CCDC178: variants seen among roughly 807,000 people sequenced by gnomAD.
CCDC178 encodes the protein coiled-coil domain-containing protein 178.
Under a neutral mutation model 117.4 loss-of-function variants are expected in CCDC178, and 126 were observed. The ratio of observed to expected loss-of-function variants is 1.07; its 90% CI spans 0.93 to 1.24. CCDC178 has a LOEUF of 1.24. Among genes scored for constraint, CCDC178 ranks in the 50% most tolerant of loss-of-function variants. CCDC178 has a pLI of 0.00. For synonymous variants in CCDC178, 283 were observed against 313.4 expected (o/e 0.90, Z 1.02); for missense variants, 1,030 against 986.9 (o/e 1.04, Z -0.59).
At chr18:33,135,656 A>G (rs535232454) in intron 20 of CCDC178, among the ~76,000 whole-genome samples, 5 of 152,136 alleles carry the variant, frequency 3.3e-5, no homozygotes, top group Non-Finnish European at 7.4e-5. Context: ...GCATGTAGCT[A>G]TCTTTGATTG....
chr18:33,101,107 A>T (rs1167685983), intron 20 of CCDC178, among the ~76,000 whole-genome samples: 1 of 151,804 alleles, frequency 6.6e-6, no homozygotes, highest in Non-Finnish European at 1.5e-5. Context: ...GTATTAAATA[A>T]ACTTAAAATT....
At chr18:33,055,742 C>A (rs2056819209) in intron 21 of CCDC178, among the ~76,000 whole-genome samples, 1 of 152,028 alleles carries the variant, frequency 6.6e-6, no homozygotes, top group Non-Finnish European at 1.5e-5. Flanking sequence ...ATCTTCAATT[C>A]TTTCTACCAC....
chr18:33,276,833 G>A (rs1267490735), intron 12 of CCDC178, among the ~76,000 whole-genome samples: 2 of 152,002 alleles, frequency 1.3e-5, no homozygotes, highest in Non-Finnish European at 2.9e-5. Flanking sequence ...TTAATATACT[G>A]TATTATAGAT....
intron 21 of CCDC178, among the ~76,000 whole-genome samples, chr18:33,048,210 C>A (rs1216749394): frequency 1.3e-5 from 2 of 152,162 alleles, no homozygotes; most frequent in Non-Finnish European, 2.9e-5. Context: ...CCCCACTACA[C>A]CTAAATTTTG....
chr18:33,301,881 AC>A (rs1422033443), intron 11 of CCDC178, among the ~76,000 whole-genome samples: 1 of 152,120 alleles, frequency 6.6e-6, no homozygotes, highest in Non-Finnish European at 1.5e-5. Context: ...ATGAGTTAAG[AC>A]TTTTTTTTAT....
chr18:33,395,030 A>T (rs2063617727), intron 4 of CCDC178, among the ~76,000 whole-genome samples: 1 of 143,978 alleles, frequency 6.9e-6, no homozygotes, highest in African/African-American at 2.5e-5. Context: ...TACTAGGACA[A>T]AATCTAAAGG....
intron 4 of CCDC178, among the ~76,000 whole-genome samples, chr18:33,390,361 G>A (rs1006588327): frequency 6.6e-6 from 1 of 151,764 alleles, no homozygotes; most frequent in Admixed American, 6.6e-5. Context: ...TCAAAGTATA[G>A]GTCCACAAAA....
chr18:32,952,827 G>A (rs2054517911), intron 22 of CCDC178, among the ~76,000 whole-genome samples: 1 of 146,774 alleles, frequency 6.8e-6, no homozygotes, highest in Non-Finnish European at 1.5e-5. Flanking sequence ...AGGCTGGAGT[G>A]CAGTGGCATG....
At chr18:33,193,176 T>C (rs2058882720) in intron 20 of CCDC178, among the ~76,000 whole-genome samples, 1 of 132,736 alleles carries the variant, frequency 7.5e-6, no homozygotes, top group Non-Finnish European at 1.5e-5. Context: ...GGCAGGAGAA[T>C]GGCGTGAACC....
intron 20 of CCDC178, among the ~76,000 whole-genome samples, chr18:33,156,053 T>C (rs562275622): frequency 1.4e-4 from 21 of 151,266 alleles, no homozygotes; most frequent in African/African-American, 5.1e-4. Flanking sequence ...ACAGAGCATG[T>C]TGACAGATGT....
chr18:32,981,604 G>C (rs2055156160), intron 21 of CCDC178, among the ~76,000 whole-genome samples: 1 of 152,164 alleles, frequency 6.6e-6, no homozygotes, highest in South Asian at 2.1e-4. Context: ...TTGTGGCTTA[G>C]AATGATTTAC....
chr18:33,211,019 A>G (rs1326291318), intron 20 of CCDC178, among the ~76,000 whole-genome samples: 1 of 151,956 alleles, frequency 6.6e-6, no homozygotes, highest in Non-Finnish European at 1.5e-5. Context: ...AAGTTCTCAC[A>G]CGTCTTTAGA....
chr18:33,398,128 T>TAGTGGAG (rs1039449560), intron 3 of CCDC178, among the ~76,000 whole-genome samples: 1 of 152,038 alleles, frequency 6.6e-6, no homozygotes. Flanking sequence ...CATGTGTTTG[T>TAGTGGAG]AGTGGAGAGA....
intron 6 of CCDC178, among the ~76,000 whole-genome samples, chr18:33,358,417 T>C (rs985810928): frequency 4.6e-5 from 7 of 151,838 alleles, no homozygotes; most frequent in Non-Finnish European, 8.8e-5. Flanking sequence ...TGTAAATGAC[T>C]GAAAGCAGAT....
At chr18:33,309,057 T>C (rs2062298940) in intron 11 of CCDC178, among the ~76,000 whole-genome samples, 3 of 152,180 alleles carry the variant, frequency 2.0e-5, no homozygotes, top group Admixed American at 2.0e-4. Flanking sequence ...TCAAAATTGT[T>C]GGCATACATT....
intron 20 of CCDC178, among the ~76,000 whole-genome samples, chr18:33,119,735 C>T (rs926989077): frequency 1.8e-4 from 27 of 152,130 alleles, no homozygotes; most frequent in Middle Eastern, 3.2e-3. Flanking sequence ...CACATGCACA[C>T]GTATGTTTAT....
intron 20 of CCDC178, among the ~76,000 whole-genome samples, chr18:33,099,708 C>T (rs2057596024): frequency 6.6e-6 from 1 of 151,974 alleles, no homozygotes; most frequent in African/African-American, 2.4e-5. Context: ...ACACCAATTA[C>T]TACAGAAAGC....
Position 33,028,937 on chromosome 18 carries a change from G to A in CCDC178, c.2389-54256C>T, listed in dbSNP as rs546116246. 5.3e-5 allele frequency among the ~76,000 whole-genome samples: 8 copies of A among 151,802 alleles called. No individual in the cohort carries two copies. In the East Asian group the frequency reaches 1.5e-3, roughly 29 times the overall value. ...ATTTTGTTTGTTTGTATATTATTAAGGATTTTTGTGTCTATATTCACAAGT... is the reference window on the plus strand; with the variant it reads ...ATTTTGTTTGTTTGTATATTATTAAAGATTTTTGTGTCTATATTCACAAGT... On this transcript the variant is annotated intron_variant, in intron 21 of 22. Coordinates refer to ENST00000383096, the MANE Select transcript of CCDC178 (RefSeq NM_001105528.4).
intron 17 of CCDC178, among the ~76,000 whole-genome samples, chr18:33,223,762 G>A (rs1169780073): frequency 6.6e-6 from 1 of 152,032 alleles, no homozygotes; most frequent in East Asian, 1.9e-4. Context: ...GGCTTTTGAT[G>A]CAATTAATAA....
Sources: allele counts gnomAD v4.1 joint callset (sites outside exome capture counted in the v4.1 genomes callset), GRCh38; gene constraint gnomAD v4.1.1; transcripts MANE v1.5; gene names NCBI Gene and HGNC (gene_info 2026-07-23, HGNC 2026-07-21).